Variants in CCDC148 observed in about 807,000 individuals in gnomAD.
CCDC148 encodes the protein coiled-coil domain containing 148.
CCDC148 carries 89 observed loss-of-function variants against 85.7 expected under a neutral mutation model. That is an observed-to-expected ratio of 1.04 (90% CI 0.87 to 1.24). CCDC148 has a LOEUF of 1.24. CCDC148 is among the 50% of genes most tolerant of loss of function. CCDC148 has a pLI of 0.00. For missense variants in CCDC148, 692 were observed against 671.7 expected (o/e 1.03, Z -0.33); for synonymous variants, 230 against 213.9 (o/e 1.08, Z -0.66).
chr2:158,195,425 T>G (rs1201651774), intron 11 of CCDC148, among the ~76,000 whole-genome samples: 1 of 152,158 alleles, frequency 6.6e-6, no homozygotes, highest in East Asian at 1.9e-4. Context: ...TCATCATCGT[T>G]TAACATTCAT....
chr2:158,190,894 G>A (rs7592105), intron 11 of CCDC148, among the ~76,000 whole-genome samples: 59,437 of 151,652 alleles, frequency 0.39, 12,979 homozygotes, highest in African/African-American at 0.59. Context: ...GATGCCCAAG[G>A]TTTTCATAAA....
intron 7 of CCDC148, among the ~76,000 whole-genome samples, chr2:158,331,312 C>T (rs986435020): frequency 5.9e-5 from 9 of 152,090 alleles, no homozygotes; most frequent in Non-Finnish European, 1.2e-4. Flanking sequence ...TGTAGTTGAG[C>T]AGTTTTGAGT....
intron 8 of CCDC148, among the ~76,000 whole-genome samples, chr2:158,311,299 G>A (rs1397823885): frequency 6.6e-6 from 1 of 152,278 alleles, no homozygotes; most frequent in Admixed American, 6.5e-5. Flanking sequence ...GCGAAACCCC[G>A]TCTCCACCAA....
chr2:158,278,677 T>C (rs1256149243), intron 9 of CCDC148, among the ~76,000 whole-genome samples: 3 of 152,268 alleles, frequency 2.0e-5, no homozygotes, highest in South Asian at 4.1e-4. Context: ...CCTGCCTCTG[T>C]AGGCTCCGCC....
At chr2:158,447,755 T>C (rs1009750179) in intron 1 of CCDC148, among the ~76,000 whole-genome samples, 1 of 152,216 alleles carries the variant, frequency 6.6e-6, no homozygotes, top group Non-Finnish European at 1.5e-5. Context: ...TATCTTATTT[T>C]TCACATTTAG....
At chr2:158,223,986 T>G (rs529674210) in intron 10 of CCDC148, among the ~76,000 whole-genome samples, 4 of 151,684 alleles carry the variant, frequency 2.6e-5, no homozygotes, top group African/African-American at 9.7e-5. Flanking sequence ...CTTTGACGAG[T>G]TGAGAGAAGA....
intron 1 of CCDC148, among the ~76,000 whole-genome samples, chr2:158,454,189 A>C (rs954491697): frequency 6.6e-6 from 1 of 152,232 alleles, no homozygotes; most frequent in Admixed American, 6.5e-5. Flanking sequence ...TTGGCAACAA[A>C]GTAGAAACCT....
At chr2:158,406,302 G>T (rs543130879) in intron 1 of CCDC148, among the ~76,000 whole-genome samples, 6 of 152,214 alleles carry the variant, frequency 3.9e-5, no homozygotes, top group Non-Finnish European at 8.8e-5. Flanking sequence ...TTTTAACAGG[G>T]TTAACACAGT....
At chr2:158,172,943 G>A (rs1272112436) in intron 13 of CCDC148, among the ~76,000 whole-genome samples, 2 of 151,968 alleles carry the variant, frequency 1.3e-5, no homozygotes, top group Non-Finnish European at 2.9e-5. Flanking sequence ...ACCTAATGAG[G>A]CATTTTACAT....
At chr2:158,217,387 T>TAC (rs1686936081) in intron 11 of CCDC148, among the ~76,000 whole-genome samples, 1 of 93,188 alleles carries the variant, frequency 1.1e-5, no homozygotes, top group Non-Finnish European at 2.4e-5. Context: ...TATATATATA[T>TAC]ATATATACAC....
At position 158,247,071 on chromosome 2, in the gene CCDC148, T is replaced by TA. The variant is rs1450443174; in HGVS notation, c.1251+3700dup. Among the ~76,000 whole-genome samples, 9 of 152,276 alleles carry TA rather than the reference T, an allele frequency of 5.9e-5. No homozygotes were observed. The East Asian group carries it at 1.2e-3, about 20-fold the overall frequency. ...GCAATATAGATACTGCAGGCAAAAT[T>TA]AAAAGGCAAATGACCAACGGGTGAA... On this transcript the variant is annotated intron_variant, in intron 10 of 13. Transcript: ENST00000283233.
intron 13 of CCDC148, among the ~76,000 whole-genome samples, chr2:158,173,735 C>T (rs1684431337): frequency 6.6e-6 from 1 of 151,826 alleles, no homozygotes; most frequent in Non-Finnish European, 1.5e-5. Context: ...AGCCTAAGAC[C>T]CAGGTTTTTC....
intron 1 of CCDC148, among the ~76,000 whole-genome samples, chr2:158,409,528 A>T (rs183007141): frequency 6.6e-6 from 1 of 152,266 alleles, no homozygotes; most frequent in Non-Finnish European, 1.5e-5. Context: ...CTCCTATTTT[A>T]AATGGCTGTA....
intron 9 of CCDC148, among the ~76,000 whole-genome samples, chr2:158,284,072 A>G (rs889345008): frequency 1.7e-4 from 25 of 146,124 alleles, no homozygotes; most frequent in African/African-American, 6.3e-4. Flanking sequence ...TGGGAATTGA[A>G]CAATGAGAAC....
At chr2:158,357,308 C>T (rs1033965698) in intron 2 of CCDC148, among the ~76,000 whole-genome samples, 5 of 151,356 alleles carry the variant, frequency 3.3e-5, no homozygotes, top group Non-Finnish European at 7.4e-5. Context: ...AAGGTAAGGG[C>T]TATATTTTGC....
chr2:158,447,109 A>C (rs1439106465), intron 1 of CCDC148: 7 of 152,154 alleles, frequency 4.6e-5, no homozygotes, highest in African/African-American at 1.7e-4. Flanking sequence ...TTGAAGTAAG[A>C]TTGCTGGGTC....
At chr2:158,267,645 T>C (rs1689526861) in intron 9 of CCDC148, among the ~76,000 whole-genome samples, 1 of 152,132 alleles carries the variant, frequency 6.6e-6, no homozygotes, top group Non-Finnish European at 1.5e-5. Context: ...AAATTAGAGA[T>C]TGTCATTGAT....
Position 158,306,825 on chromosome 2 carries a change from A to G in CCDC148, c.1110+2608T>C, listed in dbSNP as rs1241824085. ...ACATGTACCCTAGAACTTAGAGTAT[A>G]ATAATAAAAAAAAAAAACACTAAAA... is the stretch of plus-strand genomic sequence containing the variant. On this transcript the variant is annotated intron_variant, in intron 9 of 13. Transcript: ENST00000283233. Among the ~76,000 whole-genome samples the G allele has an allele frequency of 1.8e-4, 20 of 110,314 alleles. 1 individual carries two copies. The highest frequency in any genetic ancestry group is 1.6e-3 in the Admixed American group (20 of 12,380). The allele number at this position is 110,314 out of a possible 152,430, so 72.4% of individuals were successfully genotyped here.
At chr2:158,377,425 C>T (rs528423192) in intron 1 of CCDC148, among the ~76,000 whole-genome samples, 6 of 152,142 alleles carry the variant, frequency 3.9e-5, no homozygotes, top group East Asian at 1.9e-4. Flanking sequence ...CATTAACATA[C>T]GACTACCACT....
Sources: gnomAD v4.1 joint callset for allele counts (sites outside exome capture counted in the v4.1 genomes callset) on GRCh38, gnomAD v4.1.1 for gene constraint, MANE v1.5 for transcripts, NCBI Gene and HGNC (gene_info 2026-07-23, HGNC 2026-07-21) for gene names.